Variants in SPATA17 observed in about 807,000 individuals in gnomAD.
SPATA17 encodes spermatogenesis associated 17, also known as spermatogenesis-associated protein 17.
In SPATA17, 53 loss-of-function variants were observed where a neutral mutation model predicts 62.2. The ratio of observed to expected loss-of-function variants is 0.85; its 90% CI spans 0.68 to 1.07. The LOEUF is 1.07. Among genes scored for constraint, SPATA17 ranks in the 50% least tolerant of loss-of-function variants. SPATA17 has a pLI of 0.00. For missense variants in SPATA17, 466 were observed against 425.5 expected (o/e 1.10, Z -0.84); for synonymous variants, 146 against 146.8 (o/e 0.99, Z 0.04).
intron 9 of SPATA17, among the ~76,000 whole-genome samples, chr1:217,818,410 A>T (rs944238398): frequency 3.9e-4 from 59 of 152,098 alleles, no homozygotes; most frequent in African/African-American, 1.2e-3. Flanking sequence ...ACTTACACAA[A>T]CCTAAATGGT....
intron 4 of SPATA17, among the ~76,000 whole-genome samples, chr1:217,676,630 A>G (rs886864789): frequency 1.3e-5 from 2 of 152,146 alleles, no homozygotes; most frequent in Non-Finnish European, 1.5e-5. Context: ...ACTTTATGGG[A>G]AATATTTGTT....
intron 9 of SPATA17, among the ~76,000 whole-genome samples, chr1:217,813,612 TGAG>T (rs1674646388): frequency 2.0e-5 from 3 of 152,164 alleles, no homozygotes; most frequent in Non-Finnish European, 4.4e-5. Context: ...ATTTTGCTTA[TGAG>T]GATGGCCTTC....
At chr1:217,790,404 A>C (rs1234199819) in intron 8 of SPATA17, among the ~76,000 whole-genome samples, 2 of 152,152 alleles carry the variant, frequency 1.3e-5, no homozygotes, top group Non-Finnish European at 2.9e-5. Context: ...ACCATGCTCC[A>C]TTGTAGTAAA....
chr1:217,779,407 T>C (rs2102975195), intron 7 of SPATA17, among the ~76,000 whole-genome samples: 1 of 152,056 alleles, frequency 6.6e-6, no homozygotes, highest in East Asian at 1.9e-4. Context: ...TTATTTTCTC[T>C]TTCAGTGTTT....
At chr1:217,683,813 AC>A (rs1671157003) in intron 5 of SPATA17, among the ~76,000 whole-genome samples, 2 of 151,862 alleles carry the variant, frequency 1.3e-5, no homozygotes, top group African/African-American at 4.8e-5. Flanking sequence ...GATTCTATTT[AC>A]CTTAATTTAT....
intron 4 of SPATA17, among the ~76,000 whole-genome samples, chr1:217,672,173 T>A (rs1488292707): frequency 3.3e-5 from 5 of 152,220 alleles, no homozygotes; most frequent in Non-Finnish European, 7.3e-5. Context: ...CTTTGTGTTG[T>A]GTATATCTGA....
chr1:217,668,350 A>G (rs888605986), intron 3 of SPATA17, among the ~76,000 whole-genome samples: 2 of 152,196 alleles, frequency 1.3e-5, no homozygotes, highest in African/African-American at 4.8e-5. Context: ...TTTGTATATT[A>G]ATATGTAGAT....
chr1:217,805,109 G>T (rs1298948100), intron 9 of SPATA17, among the ~76,000 whole-genome samples: 2 of 152,112 alleles, frequency 1.3e-5, no homozygotes, highest in African/African-American at 2.4e-5. Flanking sequence ...TTTCAAAATC[G>T]CCAAGATATG....
At chr1:217,850,462 T>C in intron 9 of SPATA17, 1 of 1,308,064 alleles carries the variant, frequency 7.6e-7, no homozygotes, top group Non-Finnish European at 1.0e-6. Context: ...GATGTTGTAG[T>C]CAGAAAGAGT....
At position 217,855,774 on chromosome 1, in the gene SPATA17, T is replaced by A. The variant is rs935782686; in HGVS notation, c.1006-7000T>A. Among the ~76,000 whole-genome samples the A allele has an allele frequency of 7.1e-5, 10 of 140,836 alleles. 1 individual carries two copies. The highest frequency in any genetic ancestry group is 9.0e-5 in the Non-Finnish European group (6 of 66,442). 92.4% of individuals were successfully genotyped at this position (140,836 alleles called of 152,430 possible). A position where few individuals can be genotyped will look rare whatever the true frequency, so the allele number is the denominator to read the frequency against. ...ATGGAGTCTCGCTGTGTCGCCAGGC[T>A]GGAGTGCACTGGCATGATCTCAGCT... On this transcript the variant is annotated intron_variant, in intron 9 of 10. Transcript: ENST00000366933.
At position 217,824,927 on chromosome 1, in the gene SPATA17, T is replaced by G. The variant is rs146786957; in HGVS notation, c.1005+23077T>G. On this transcript the variant is annotated intron_variant, in intron 9 of 10. Coordinates refer to ENST00000366933, the MANE Select transcript of SPATA17 (RefSeq NM_138796.4). ...ATAATACTTTTCTTTCATATGCATA[T>G]GTATAATTTTCTTTCATATGCATAT... 6.4e-3 allele frequency among the ~76,000 whole-genome samples: 970 copies of G among 151,016 alleles called. 4 individuals are homozygous for G. Among genetic ancestry groups the G allele is most frequent in the African/African-American group, 0.022 (905 of 41,498 alleles).
chr1:217,643,438 C>T (rs538550915), intron 1 of SPATA17, among the ~76,000 whole-genome samples: 15 of 152,154 alleles, frequency 9.9e-5, no homozygotes, highest in African/African-American at 2.6e-4. Context: ...CCCTCTACAC[C>T]CCAAAGCCAG....
chr1:217,717,955 C>T (rs1672046306), intron 5 of SPATA17, among the ~76,000 whole-genome samples: 1 of 152,108 alleles, frequency 6.6e-6, no homozygotes, highest in Non-Finnish European at 1.5e-5. Flanking sequence ...ACTGCTATGC[C>T]CCAAACTAAT....
chr1:217,862,011 T>G (rs753742740), intron 9 of SPATA17, among the ~76,000 whole-genome samples: 1 of 151,902 alleles, frequency 6.6e-6, no homozygotes, highest in East Asian at 1.9e-4. Flanking sequence ...TTGTTATATA[T>G]GGGCCCTATA....
At chr1:217,837,400 C>G (rs1675285703) in intron 9 of SPATA17, among the ~76,000 whole-genome samples, 1 of 152,020 alleles carries the variant, frequency 6.6e-6, no homozygotes, top group Non-Finnish European at 1.5e-5. Flanking sequence ...TGCAGGGATA[C>G]ATATTAACTC....
intron 10 of SPATA17, among the ~76,000 whole-genome samples, chr1:217,863,878 T>C (rs1675947662): frequency 6.6e-6 from 1 of 152,050 alleles, no homozygotes; most frequent in African/African-American, 2.4e-5. Context: ...CTAGTTAGAA[T>C]CCCCCAGCTA....
intron 9 of SPATA17, among the ~76,000 whole-genome samples, chr1:217,808,777 C>CCCGGGAAG (rs1007280305): frequency 2.6e-5 from 4 of 151,776 alleles, no homozygotes; most frequent in Admixed American, 6.6e-5. Flanking sequence ...ATCGCTTGAA[C>CCCGGGAAG]CTGGGAAGCA....
chr1:217,753,527 G>A (rs1052442452), intron 6 of SPATA17, among the ~76,000 whole-genome samples: 1 of 151,822 alleles, frequency 6.6e-6, no homozygotes, highest in African/African-American at 2.4e-5. Context: ...TCATTTAGTA[G>A]ATTCGGTGCC....
chr1:217,730,041 T>A (rs1672366735), intron 5 of SPATA17, among the ~76,000 whole-genome samples: 3 of 152,166 alleles, frequency 2.0e-5, no homozygotes. Context: ...ATGATGCTAA[T>A]GGTATAATTG....
Sources: allele counts gnomAD v4.1 joint callset (sites outside exome capture counted in the v4.1 genomes callset), GRCh38; gene constraint gnomAD v4.1.1; transcripts MANE v1.5; gene names NCBI Gene and HGNC (gene_info 2026-07-23, HGNC 2026-07-21).